The following FRAS1 variants were observed in gnomAD, a reference collection of about 807,000 sequenced individuals.
The protein encoded by FRAS1 is extracellular matrix organizing protein FRAS1.
FRAS1 carries 290 observed loss-of-function variants against 435.2 expected under a neutral mutation model. The observed-to-expected ratio is 0.67, with a 90% CI of 0.61 to 0.73. The LOEUF is 0.73. FRAS1 is among the 30% of genes least tolerant of loss of function. The probability of loss-of-function intolerance (pLI) is 0.00; values close to 1 mark genes in which losing one functional copy is unlikely to be tolerated. For missense variants in FRAS1, 4,860 were observed against 5,001.5 expected, an observed-to-expected ratio of 0.97 and a Z score of 0.85; for synonymous variants, 1,800 against 1,851.0, an observed-to-expected ratio of 0.97 and a Z score of 0.71.
chr4:78,298,834 T>A (rs1385269530), intron 14 of FRAS1, among the ~76,000 whole-genome samples: 2 of 152,160 alleles, frequency 1.3e-5, no homozygotes. Flanking sequence ...TTGCAATGAC[T>A]AAAACATGGT....
rs980153589 is a variant in FRAS1 at position 78,410,657 on chromosome 4, T to C, written c.4309-2312T>C. On this transcript the variant is annotated intron_variant, in intron 31 of 73. Coordinates refer to ENST00000512123, the MANE Select transcript of FRAS1 (RefSeq NM_025074.7). The stretch of plus-strand genomic sequence containing the variant: ...TTGGAAGTGGATTAAAAAATATAGC[T>C]AAATAGTCAAAAGTCAGACTAAGGT... Among the ~76,000 whole-genome samples the C allele has an allele frequency of 3.3e-5, 5 of 152,304 alleles. No individual in the cohort carries two copies. In the East Asian group the frequency reaches 9.6e-4, roughly 29 times the overall value.
chr4:78,462,669 A>G (rs1304868978), intron 47 of FRAS1, among the ~76,000 whole-genome samples: 2 of 152,210 alleles, frequency 1.3e-5, no homozygotes, highest in Non-Finnish European at 2.9e-5. Context: ...TGAAGTTGTT[A>G]AATTTTTAAA....
chr4:78,268,964 T>C (rs1353240488), intron 9 of FRAS1, among the ~76,000 whole-genome samples: 1 of 152,242 alleles, frequency 6.6e-6, no homozygotes, highest in Non-Finnish European at 1.5e-5. Context: ...TTTCTCCAGA[T>C]CTTTAACCAG....
At chr4:78,310,728 A>G (rs928895831) in intron 15 of FRAS1, among the ~76,000 whole-genome samples, 3 of 152,280 alleles carry the variant, frequency 2.0e-5, no homozygotes, top group African/African-American at 7.2e-5. Flanking sequence ...AATATGTTCT[A>G]AAACAACAGT....
chr4:78,366,387 G>A (rs1731268161), intron 22 of FRAS1, among the ~76,000 whole-genome samples: 1 of 152,196 alleles, frequency 6.6e-6, no homozygotes. Context: ...TCCACTGCTG[G>A]GGAGCTAGAG....
At chr4:78,329,095 G>C (rs2110252558) in intron 18 of FRAS1, among the ~76,000 whole-genome samples, 1 of 152,300 alleles carries the variant, frequency 6.6e-6, no homozygotes, top group Middle Eastern at 3.4e-3. Flanking sequence ...TATCAACGTA[G>C]ACCCAGACAT....
At chr4:78,088,703 G>T (rs1314171256) in intron 2 of FRAS1, among the ~76,000 whole-genome samples, 1 of 152,106 alleles carries the variant, frequency 6.6e-6, no homozygotes, top group Non-Finnish European at 1.5e-5. Context: ...GGCCATCAGA[G>T]AAATGCAAAT....
chr4:78,284,224 A>C (rs911526455), intron 12 of FRAS1, among the ~76,000 whole-genome samples, 181 bp from the exon 13 acceptor site: 1 of 102,436 alleles, frequency 9.8e-6, no homozygotes, highest in African/African-American at 3.4e-5. Flanking sequence ...CTTGCATTGG[A>C]ATGTATTTTT....
intron 14 of FRAS1, among the ~76,000 whole-genome samples, chr4:78,306,596 G>C (rs372833898): frequency 7.1e-6 from 1 of 141,012 alleles, no homozygotes. Flanking sequence ...TTCCCTTCTC[G>C]CTTCATTTCA....
At chr4:78,240,761 A>G (rs188791791) in intron 3 of FRAS1, among the ~76,000 whole-genome samples, 45 of 152,140 alleles carry the variant, frequency 3.0e-4, no homozygotes, top group African/African-American at 1.1e-3. Context: ...AGGGTACAAG[A>G]TGAAGGATGG....
At chr4:78,116,765 T>G (rs1348068303) in intron 2 of FRAS1, among the ~76,000 whole-genome samples, 2 of 152,180 alleles carry the variant, frequency 1.3e-5, no homozygotes, top group African/African-American at 2.4e-5. Flanking sequence ...GCACACTGAT[T>G]GGTCTTGACT....
At chr4:78,187,405 C>A (rs1722319286) in intron 2 of FRAS1, among the ~76,000 whole-genome samples, 1 of 151,906 alleles carries the variant, frequency 6.6e-6, no homozygotes, top group Admixed American at 6.6e-5. Flanking sequence ...TGACTTTTGC[C>A]CTTTGTAGAA....
At chr4:78,131,253 A>G (rs1046598614) in intron 2 of FRAS1, among the ~76,000 whole-genome samples, 27 of 152,120 alleles carry the variant, frequency 1.8e-4, no homozygotes, top group Non-Finnish European at 3.4e-4. Flanking sequence ...TTGAGATTTG[A>G]TATAGAAGTT....
intron 6 of FRAS1, among the ~76,000 whole-genome samples, chr4:78,261,970 C>G (rs1259187145): frequency 6.6e-6 from 1 of 152,152 alleles, no homozygotes; most frequent in Non-Finnish European, 1.5e-5. Context: ...TTTCTATTTA[C>G]TCATCCTTCA....
At chr4:78,112,719 T>C (rs1435284448) in intron 2 of FRAS1, among the ~76,000 whole-genome samples, 1 of 152,118 alleles carries the variant, frequency 6.6e-6, no homozygotes, top group Non-Finnish European at 1.5e-5. Flanking sequence ...GATATATTTT[T>C]CTTTTAATAC....
intron 29 of FRAS1, among the ~76,000 whole-genome samples, chr4:78,392,358 A>C (rs1205872601): frequency 1.3e-5 from 2 of 152,140 alleles, no homozygotes; most frequent in Admixed American, 1.3e-4. Flanking sequence ...TTTTCTATTT[A>C]GTGAGGTTTA....
At chr4:78,170,014 A>G (rs777171836) in intron 2 of FRAS1, among the ~76,000 whole-genome samples, 2 of 152,224 alleles carry the variant, frequency 1.3e-5, no homozygotes, top group Non-Finnish European at 2.9e-5. Flanking sequence ...TATAAAGTTA[A>G]TAAAGTCCTG....
intron 14 of FRAS1, among the ~76,000 whole-genome samples, chr4:78,298,971 T>G: frequency 6.6e-6 from 1 of 152,092 alleles, no homozygotes; most frequent in Non-Finnish European, 1.5e-5. Flanking sequence ...TGCAGGAACA[T>G]AGAGAAAGGT....
At chr4:78,165,675 G>A (rs1371439591) in intron 2 of FRAS1, among the ~76,000 whole-genome samples, 1 of 152,124 alleles carries the variant, frequency 6.6e-6, no homozygotes, top group Non-Finnish European at 1.5e-5. Context: ...ATCTTGATTG[G>A]GCTTGGCCAT....
Sources: allele counts gnomAD v4.1 joint callset (sites outside exome capture counted in the v4.1 genomes callset), GRCh38; gene constraint gnomAD v4.1.1; transcripts MANE v1.5; gene names NCBI Gene and HGNC (gene_info 2026-07-23, HGNC 2026-07-21).